The following AGTPBP1 variants were observed in gnomAD, a reference collection of about 807,000 sequenced individuals.
AGTPBP1 encodes cytosolic carboxypeptidase 1.
In AGTPBP1, 70 loss-of-function variants were observed where a neutral mutation model predicts 143.9. That is an observed-to-expected ratio of 0.49 (90% CI 0.40 to 0.59). The LOEUF (loss-of-function observed/expected upper bound fraction) is 0.59, where lower values mean the gene tolerates loss of function less well. AGTPBP1 is among the 20% of genes least tolerant of loss of function. The pLI, the probability that AGTPBP1 is intolerant of heterozygous loss-of-function variation, is 0.00. For synonymous variants in AGTPBP1, 463 were observed against 500.2 expected (o/e 0.93, Z 0.99); for missense variants, 1,229 against 1,464.5 (o/e 0.84, Z 2.62).
chr9:85,748,004 A>G, the AGTPBP1 span, among the ~76,000 whole-genome samples: 1 of 151,866 alleles, frequency 6.6e-6, no homozygotes, highest in Non-Finnish European at 1.5e-5. Flanking sequence ...ATCCTCCTTC[A>G]ACCTTTTTCC....
intron 3 of AGTPBP1, among the ~76,000 whole-genome samples, chr9:85,689,102 G>A (rs528445306): frequency 2.6e-5 from 4 of 152,194 alleles, no homozygotes; most frequent in East Asian, 1.9e-4. Flanking sequence ...CTCCAAGAGC[G>A]TGCATATAGT....
At chr9:85,613,970 T>C (rs1830464081) in intron 17 of AGTPBP1, among the ~76,000 whole-genome samples, 1 of 151,830 alleles carries the variant, frequency 6.6e-6, no homozygotes, top group South Asian at 2.1e-4. Flanking sequence ...ATATAACACA[T>C]CCAAAGGTTA....
intron 3 of AGTPBP1, among the ~76,000 whole-genome samples, chr9:85,683,387 A>G (rs1835307782): frequency 6.6e-6 from 1 of 152,198 alleles, no homozygotes; most frequent in South Asian, 2.1e-4. Flanking sequence ...TTTAATATTA[A>G]AGCCAAATTA....
chr9:85,768,150 A>G, the AGTPBP1 span, among the ~76,000 whole-genome samples: 1 of 152,206 alleles, frequency 6.6e-6, no homozygotes, highest in Non-Finnish European at 1.5e-5. Context: ...CTGCAGCCTC[A>G]CTGGAGCGGG....
intron 8 of AGTPBP1, among the ~76,000 whole-genome samples, chr9:85,667,062 T>C (rs1834176381): frequency 6.6e-6 from 1 of 152,088 alleles, no homozygotes; most frequent in Non-Finnish European, 1.5e-5. Flanking sequence ...CAGTAAATGA[T>C]AGAGCTAACA....
intron 1 of AGTPBP1, among the ~76,000 whole-genome samples, chr9:85,732,577 C>T (rs1838962186): frequency 6.6e-6 from 1 of 151,988 alleles, no homozygotes; most frequent in South Asian, 2.1e-4. Context: ...GGAATAAAAA[C>T]AGCTAATATG....
Position 85,741,881 on chromosome 9 carries a change from A to G in AGTPBP1, c.-140T>C. 8 of 1,386,450 alleles carry G rather than the reference A, an allele frequency of 5.8e-6. No homozygotes were observed. Among genetic ancestry groups the G allele is most frequent in the Non-Finnish European group, 7.5e-6 (8 of 1,071,352 alleles). The allele number at this position is 1,386,450 out of a possible 1,614,324, so 85.9% of individuals were successfully genotyped here. Reference sequence around the variant, plus strand: ...CGCCCGCCGCCCGGTGTTTTCATACAAACCCCGGTGGCAGGCGAGGCGGAG... The same window carrying G: ...CGCCCGCCGCCCGGTGTTTTCATACGAACCCCGGTGGCAGGCGAGGCGGAG... On this transcript the variant is annotated 5_prime_UTR_variant, in exon 1 of 26. Transcript: ENST00000357081.
chr9:85,667,335 G>A (rs1834189755), intron 8 of AGTPBP1, among the ~76,000 whole-genome samples: 1 of 152,012 alleles, frequency 6.6e-6, no homozygotes, highest in Non-Finnish European at 1.5e-5. Flanking sequence ...GAAAACACTG[G>A]AAATGTCCTG....
chr9:85,640,650 A>G (rs1832402592), intron 13 of AGTPBP1, among the ~76,000 whole-genome samples: 1 of 152,230 alleles, frequency 6.6e-6, no homozygotes, highest in African/African-American at 2.4e-5. Context: ...ATAAAGTGCC[A>G]TGTAGGAAAT....
chr9:85,572,172 G>A (rs1423805616), intron 25 of AGTPBP1, among the ~76,000 whole-genome samples: 17 of 151,714 alleles, frequency 1.1e-4, no homozygotes, highest in African/African-American at 3.4e-4. Flanking sequence ...GACTACAAGC[G>A]CACACCATCA....
the AGTPBP1 span, among the ~76,000 whole-genome samples, chr9:85,748,321 G>A: frequency 1.8e-4 from 28 of 152,032 alleles, no homozygotes; most frequent in African/African-American, 6.5e-4. Context: ...GTCTTGGCTA[G>A]CTCATCCTAC....
At chr9:85,708,548 G>GT (rs1837165225) in intron 2 of AGTPBP1, among the ~76,000 whole-genome samples, 1 of 152,128 alleles carries the variant, frequency 6.6e-6, no homozygotes, top group Non-Finnish European at 1.5e-5. Flanking sequence ...TTTTTTGTTT[G>GT]TTTGTTTTTT....
At chr9:85,662,246 G>C (rs1833891556) in intron 8 of AGTPBP1, among the ~76,000 whole-genome samples, 1 of 152,182 alleles carries the variant, frequency 6.6e-6, no homozygotes, top group African/African-American at 2.4e-5. Flanking sequence ...CCCAGTAAGA[G>C]GAAGTTCTTA....
At chr9:85,606,764 T>C (rs181554531) in intron 17 of AGTPBP1, among the ~76,000 whole-genome samples, 35 of 152,082 alleles carry the variant, frequency 2.3e-4, no homozygotes, top group Admixed American at 4.6e-4. Flanking sequence ...ATGGATGGAA[T>C]TGGAAGTCTT....
At chr9:85,639,193 T>C (rs1832283061) in intron 13 of AGTPBP1, among the ~76,000 whole-genome samples, 1 of 152,134 alleles carries the variant, frequency 6.6e-6, no homozygotes, top group Non-Finnish European at 1.5e-5. Context: ...TTTTAAAAAT[T>C]ATCTTTTTTA....
In AGTPBP1 at chr9:85,589,145, C is replaced by T. The variant is rs1179174077; in HGVS notation, c.2722+383G>A. Among the ~76,000 whole-genome samples, 4 of 152,096 alleles carry T rather than the reference C, an allele frequency of 2.6e-5. No individual in the cohort carries two copies. The South Asian group carries it at 6.2e-4, about 24-fold the overall frequency. ...GGGAAAAATGAATAACTATTCTGTG[C>T]TAGCTACCAAAACAATTGATAGGTT... On this transcript the variant is annotated intron_variant, in intron 20 of 25. Transcript: ENST00000357081.
At chr9:85,675,700 C>G (rs919332109) in intron 6 of AGTPBP1, among the ~76,000 whole-genome samples, 2 of 152,102 alleles carry the variant, frequency 1.3e-5, no homozygotes, top group Non-Finnish European at 2.9e-5. Context: ...AATTTTGGAT[C>G]CTCAGTTACT....
At chr9:85,672,517 ACT>A in intron 7 of AGTPBP1, 31 bp downstream of exon 7, 1 of 1,598,734 alleles carries the variant, frequency 6.3e-7, no homozygotes, top group Non-Finnish European at 8.5e-7. Flanking sequence ...ACTTTACAAC[ACT>A]GAGTTAACTA....
chr9:85,592,696 A>G lies in AGTPBP1; in HGVS notation c.2432T>C (p.Phe811Ser), dbSNP rs771762132. Residue 811 changes from phenylalanine to serine, a missense_variant, in exon 19 of 26, where the codon TTC becomes TCC. Coordinates refer to ENST00000357081, the MANE Select transcript of AGTPBP1 (RefSeq NM_001330701.2). ...GTDICYYKNH[F>S]SRSSVAAGGQ... ...ACCTGCAGCAACTGAACTTCTTGAG[A>G]AATGATTTCTGCAATAAAAACGCAT... 1 of 1,610,602 alleles carries G rather than the reference A, an allele frequency of 6.2e-7. No individual in the cohort carries two copies. Among genetic ancestry groups the G allele is most frequent in the South Asian group, 1.1e-5 (1 of 90,104 alleles).
Sources: allele counts gnomAD v4.1 joint callset (sites outside exome capture counted in the v4.1 genomes callset), GRCh38; gene constraint gnomAD v4.1.1; transcripts MANE v1.5; gene names NCBI Gene and HGNC (gene_info 2026-07-23, HGNC 2026-07-21).